Variants in NDST4 observed in about 807,000 individuals in gnomAD.
The protein encoded by NDST4 is N-heparan sulfate sulfotransferase 4.
In NDST4, 63 loss-of-function variants were observed where a neutral mutation model predicts 100.8. The observed-to-expected ratio is 0.62, with a 90% CI of 0.51 to 0.77. The LOEUF (loss-of-function observed/expected upper bound fraction) is 0.77, where lower values mean the gene tolerates loss of function less well. Among genes scored for constraint, NDST4 ranks in the 30% least tolerant of loss-of-function variants. The probability of loss-of-function intolerance (pLI) is 0.00; values close to 1 mark genes in which losing one functional copy is unlikely to be tolerated. For missense variants in NDST4, 943 were observed against 1,018.4 expected (o/e 0.93, Z 1.01); for synonymous variants, 377 against 361.8 (o/e 1.04, Z -0.48).
rs141052828 is a variant in NDST4, at chr4:114,922,907, T to C, written c.1536+12299A>G. 3.3e-3 allele frequency among the ~76,000 whole-genome samples: 509 copies of C among 152,312 alleles called. 2 individuals are homozygous for C. Among genetic ancestry groups the C allele is most frequent in the African/African-American group, 0.012 (497 of 41,572 alleles). ...GTACCACCATGAGCTGTATTATGCA[T>C]ATGACTCTATTTGTGTAAACAGCTG... On this transcript the variant is annotated intron_variant, in intron 6 of 13. Transcript: ENST00000264363.
chr4:114,898,862 A>G (rs1188355373), intron 6 of NDST4, among the ~76,000 whole-genome samples: 1 of 152,054 alleles, frequency 6.6e-6, no homozygotes, highest in African/African-American at 2.4e-5. Flanking sequence ...TGACTTTTGT[A>G]TATTAACTTT....
intron 2 of NDST4, among the ~76,000 whole-genome samples, chr4:115,052,620 G>C (rs184865425): frequency 6.6e-6 from 1 of 151,486 alleles, no homozygotes; most frequent in African/African-American, 2.4e-5. Flanking sequence ...CCCGTAAGAC[G>C]TGACTTTTGC....
intron 2 of NDST4, among the ~76,000 whole-genome samples, chr4:114,986,797 T>TAA: frequency 6.1e-5 from 1 of 16,420 alleles, no homozygotes; most frequent in Non-Finnish European, 2.2e-4. Flanking sequence ...ATTATACATA[T>TAA]ATATATATAT....
At chr4:115,082,781 A>G (rs1372428879) in intron 1 of NDST4, among the ~76,000 whole-genome samples, 1 of 121,250 alleles carries the variant, frequency 8.2e-6, no homozygotes, top group African/African-American at 2.7e-5. Flanking sequence ...CTACAGTTGC[A>G]CTGTAGAGAA....
At position 115,113,006 on chromosome 4, in the gene NDST4, TC is replaced by T. The variant is rs1729984655; in HGVS notation, c.-247+437del. On this transcript the variant is annotated intron_variant, in intron 1 of 13. Coordinates refer to ENST00000264363, the MANE Select transcript of NDST4 (RefSeq NM_022569.3). ...AATCTCAGGTCCAAAAAACAGGAGT[TC>T]CCATCTTCGGTAATTTGAATGCCAT... Among the ~76,000 whole-genome samples the T allele has an allele frequency of 2.0e-5, 3 of 152,046 alleles. No homozygotes were observed. In the Middle Eastern group the frequency reaches 0.01, roughly 517 times the overall value.
intron 6 of NDST4, among the ~76,000 whole-genome samples, chr4:114,873,823 A>T (rs562762892): frequency 5.3e-5 from 8 of 152,294 alleles, no homozygotes; most frequent in African/African-American, 1.9e-4. Context: ...TGAAAATAGT[A>T]TGAAAAACCA....
At chr4:114,845,698 G>A (rs1723532491) in intron 10 of NDST4, 125 bp downstream of exon 10, 7 of 788,390 alleles carry the variant, frequency 8.9e-6, no homozygotes, top group African/African-American at 1.8e-5. Context: ...TTTTGGTGGG[G>A]GTTGTGGGTT....
chr4:114,997,983 G>T (rs1727202523), intron 2 of NDST4, among the ~76,000 whole-genome samples: 1 of 152,008 alleles, frequency 6.6e-6, no homozygotes, highest in Admixed American at 6.6e-5. Context: ...TGATACACAG[G>T]CATATATAAT....
At position 114,970,851 on chromosome 4, in the gene NDST4, T is replaced by C. The variant is rs532745090; in HGVS notation, c.1067-267A>G. ...AGGGTATTTTATACTCTTACATATA[T>C]GTTATACCCTTATATGTATTTTATA... On this transcript the variant is annotated intron_variant, in intron 3 of 13. Coordinates refer to ENST00000264363, the MANE Select transcript of NDST4 (RefSeq NM_022569.3). 7.2e-4 allele frequency among the ~76,000 whole-genome samples: 109 copies of C among 152,312 alleles called. 1 individual carries two copies. The highest frequency in any genetic ancestry group is 5.8e-4 in the East Asian group (3 of 5,184).
At chr4:115,053,933 C>T (rs1728639903) in intron 2 of NDST4, among the ~76,000 whole-genome samples, 1 of 151,868 alleles carries the variant, frequency 6.6e-6, no homozygotes, top group Admixed American at 6.6e-5. Context: ...TTAGTAATTC[C>T]ACACTATTAC....
chr4:114,929,113 C>CTATCTATCT (rs1560817117), intron 6 of NDST4, among the ~76,000 whole-genome samples: 217 of 117,438 alleles, frequency 1.8e-3, no homozygotes, highest in Middle Eastern at 4.1e-3. Flanking sequence ...TCCATCCATC[C>CTATCTATCT]ATCTATCTAT....
chr4:115,098,230 T>A (rs1049265506), intron 1 of NDST4, among the ~76,000 whole-genome samples: 6 of 152,110 alleles, frequency 3.9e-5, no homozygotes, highest in Non-Finnish European at 7.4e-5. Flanking sequence ...AGAAATTGGA[T>A]TGAAAAGGTA....
At chr4:115,024,332 G>T (rs1192534355) in intron 2 of NDST4, among the ~76,000 whole-genome samples, 1 of 152,162 alleles carries the variant, frequency 6.6e-6, no homozygotes, top group Non-Finnish European at 1.5e-5. Context: ...CCACTTGAAA[G>T]CTGCTGTGTG....
chr4:114,876,492 G>C (rs1724257440), intron 6 of NDST4, among the ~76,000 whole-genome samples: 1 of 152,120 alleles, frequency 6.6e-6, no homozygotes. Flanking sequence ...TTAAGAGTCA[G>C]ACTAGGCTTA....
intron 3 of NDST4, among the ~76,000 whole-genome samples, chr4:114,973,604 T>A (rs552503935): frequency 1.3e-5 from 2 of 152,032 alleles, no homozygotes; most frequent in East Asian, 3.9e-4. Context: ...ATACATGAAG[T>A]TTGTTTCTTT....
At chr4:114,927,704 T>C (rs1260630489) in intron 6 of NDST4, among the ~76,000 whole-genome samples, 2 of 152,108 alleles carry the variant, frequency 1.3e-5, no homozygotes, top group Non-Finnish European at 2.9e-5. Flanking sequence ...TACAGAAAAC[T>C]ATCAATCATT....
intron 7 of NDST4, among the ~76,000 whole-genome samples, chr4:114,858,540 A>T (rs945365169): frequency 2.6e-5 from 4 of 152,200 alleles, no homozygotes; most frequent in African/African-American, 9.6e-5. Flanking sequence ...TTGAGGTACC[A>T]GCTTGAAGAT....
rs1252898328 is a variant in NDST4, at chr4:114,841,308, T to A, written c.2116-1760A>T. On this transcript the variant is annotated intron_variant, in intron 10 of 13. Transcript: ENST00000264363. ...AAATTACAGCGGCAGGTGACATTTG[T>A]AGGAGTTTCTGAATTATGCCTGCTG... is the stretch of plus-strand genomic sequence containing the variant. 3.3e-5 allele frequency among the ~76,000 whole-genome samples: 5 copies of A among 152,328 alleles called. No individual in the cohort carries two copies. In the East Asian group the frequency reaches 9.6e-4, roughly 29 times the overall value.
intron 2 of NDST4, among the ~76,000 whole-genome samples, chr4:115,008,808 C>T (rs1477905185): frequency 7.8e-6 from 1 of 128,750 alleles, no homozygotes; most frequent in East Asian, 2.5e-4. Flanking sequence ...CCAAAATCTC[C>T]TTAAGCTGAT....
Sources: allele counts gnomAD v4.1 joint callset (sites outside exome capture counted in the v4.1 genomes callset), GRCh38; gene constraint gnomAD v4.1.1; transcripts MANE v1.5; gene names NCBI Gene and HGNC (gene_info 2026-07-23, HGNC 2026-07-21).